The following LGSN variants were observed in gnomAD, a reference collection of about 807,000 sequenced individuals.
The protein encoded by LGSN is lengsin, lens protein with glutamine synthetase domain.
LGSN carries 21 observed loss-of-function variants against 19.5 expected under a neutral mutation model. The observed-to-expected ratio is 1.07, with a 90% confidence interval of 0.76 to 1.55. LGSN has a LOEUF of 1.55. LGSN is among the 40% of genes most tolerant of loss of function. The pLI is 0.00. For missense variants in LGSN, 673 were observed against 608.5 expected (o/e 1.11, Z -1.12); for synonymous variants, 257 against 215.6 (o/e 1.19, Z -1.68).
At chr6:63,332,358 CA>C in the LGSN span, among the ~76,000 whole-genome samples, 3 of 152,190 alleles carry the variant, frequency 2.0e-5, no homozygotes, top group South Asian at 4.2e-4. Context: ...CATTGGGACC[CA>C]GGGGGCAAGG....
the LGSN span, among the ~76,000 whole-genome samples, chr6:63,564,628 T>G: frequency 6.6e-6 from 1 of 152,336 alleles, no homozygotes; most frequent in South Asian, 2.1e-4. Context: ...AGCATGCATA[T>G]CCAACCTTTA....
chr6:63,287,296 A>G (rs1370431312), intron 2 of LGSN, among the ~76,000 whole-genome samples: 1 of 152,244 alleles, frequency 6.6e-6, no homozygotes, highest in African/African-American at 2.4e-5. Flanking sequence ...AAAGTATTTC[A>G]TGCTAAATTA....
the LGSN span, among the ~76,000 whole-genome samples, chr6:63,534,334 A>G: frequency 6.6e-6 from 1 of 152,026 alleles, no homozygotes; most frequent in Non-Finnish European, 1.5e-5. Flanking sequence ...ATCCAGGTTC[A>G]CTCTAAGTTA....
At position 63,280,397 on chromosome 6, in the gene LGSN, C is replaced by A. The variant is rs759108784; in HGVS notation, c.1154G>T (p.Gly385Val). The change falls in exon 4 of 4, where the codon GGA becomes GTA. Residue 385 changes from glycine to valine, a missense_variant. Gly to Val is a moderately radical substitution (Grantham distance 109). Transcript: ENST00000370657. ...AAATATACAGCTGTTGTCATTGTAT[C>A]CCCATGTTGTAGGCACACTCTTCTT... is the stretch of plus-strand genomic sequence containing the variant. ...DLKKSVPTTW[G>V]YNDNSCIFNI... The A allele has an allele frequency of 6.2e-7, 1 of 1,613,980 alleles. No homozygotes were observed. The highest frequency in any genetic ancestry group is 8.5e-7 in the Non-Finnish European group (1 of 1,180,028).
chr6:63,415,495 G>C, the LGSN span, among the ~76,000 whole-genome samples: 3 of 152,186 alleles, frequency 2.0e-5, no homozygotes, highest in Non-Finnish European at 4.4e-5. Context: ...GAGAAGTGCC[G>C]AGGGAAGGGG....
the LGSN span, among the ~76,000 whole-genome samples, chr6:63,384,537 G>GTGTGTGTGTGTGT: frequency 6.8e-6 from 1 of 146,700 alleles, no homozygotes; most frequent in Non-Finnish European, 1.5e-5. Flanking sequence ...GTGTGTGTGT[G>GTGTGTGTGTGTGT]ATGGAGTTTT....
the LGSN span, among the ~76,000 whole-genome samples, chr6:63,490,906 A>G: frequency 6.6e-6 from 1 of 152,166 alleles, no homozygotes; most frequent in African/African-American, 2.4e-5. Flanking sequence ...GCAGATATCC[A>G]AGGGCAGGAA....
At chr6:63,385,777 C>T in the LGSN span, among the ~76,000 whole-genome samples, 1 of 152,130 alleles carries the variant, frequency 6.6e-6, no homozygotes, top group Non-Finnish European at 1.5e-5. Context: ...AAGTCAGTTC[C>T]AAAATGTAGG....
At chr6:63,356,556 A>G in the LGSN span, among the ~76,000 whole-genome samples, 2 of 152,190 alleles carry the variant, frequency 1.3e-5, no homozygotes, top group African/African-American at 4.8e-5. Context: ...AAGTTAAAAA[A>G]TAAGAAAAAT....
At chr6:63,308,197 T>G (rs909898480) in intron 1 of LGSN, among the ~76,000 whole-genome samples, 1 of 152,236 alleles carries the variant, frequency 6.6e-6, no homozygotes, top group Non-Finnish European at 1.5e-5. Context: ...ATTTTCATTC[T>G]TTTGATATTT....
the LGSN span, among the ~76,000 whole-genome samples, chr6:63,509,709 C>G: frequency 6.6e-6 from 1 of 152,134 alleles, no homozygotes; most frequent in Non-Finnish European, 1.5e-5. Context: ...GCATTTAATA[C>G]GTTATAACAG....
the LGSN span, among the ~76,000 whole-genome samples, chr6:63,412,513 AGAAAGAAAGAAAGAAG>A: frequency 2.5e-4 from 28 of 113,894 alleles, no homozygotes; most frequent in Middle Eastern, 4.1e-3. Flanking sequence ...AAAGAAAGAA[AGAAAGAAAGAAAGAAG>A]GAAAGAAAGA....
the LGSN span, chr6:63,480,371 G>A: frequency 4.7e-6 from 1 of 211,944 alleles, no homozygotes; most frequent in Non-Finnish European, 1.0e-5. Flanking sequence ...GGGCAAGTAT[G>A]GACCTGCTAA....
chr6:63,447,045 G>A, the LGSN span, among the ~76,000 whole-genome samples: 6 of 152,166 alleles, frequency 3.9e-5, no homozygotes, highest in South Asian at 2.1e-4. Flanking sequence ...GTGAAACTCC[G>A]TCTCAAAAAA....
At chr6:63,467,840 C>T in the LGSN span, among the ~76,000 whole-genome samples, 3 of 151,996 alleles carry the variant, frequency 2.0e-5, no homozygotes, top group Non-Finnish European at 4.4e-5. Flanking sequence ...TACAGGAACG[C>T]ATCACCATGC....
the LGSN span, among the ~76,000 whole-genome samples, chr6:63,490,548 C>G: frequency 6.6e-6 from 1 of 151,900 alleles, no homozygotes; most frequent in African/African-American, 2.4e-5. Flanking sequence ...CAAAAGGTAT[C>G]TATTTTATTT....
chr6:63,315,910 C>G (rs1768831809), intron 1 of LGSN, among the ~76,000 whole-genome samples: 1 of 149,794 alleles, frequency 6.7e-6, no homozygotes, highest in African/African-American at 2.4e-5. Context: ...AGTGAGAGTT[C>G]AATAGTATCT....
At chr6:63,297,851 C>T (rs1768041504) in intron 1 of LGSN, among the ~76,000 whole-genome samples, 2 of 152,214 alleles carry the variant, frequency 1.3e-5, no homozygotes, top group Non-Finnish European at 2.9e-5. Context: ...AGAAACTACT[C>T]TTCTACCAAT....
chr6:63,314,945 G>A (rs867914755), intron 1 of LGSN, among the ~76,000 whole-genome samples: 27 of 152,150 alleles, frequency 1.8e-4, no homozygotes, highest in African/African-American at 6.3e-4. Context: ...AAGGTTTCAT[G>A]AGGTCACAAA....
Sources: gnomAD v4.1 joint callset for allele counts (sites outside exome capture counted in the v4.1 genomes callset) on GRCh38, gnomAD v4.1.1 for gene constraint, MANE v1.5 for transcripts, NCBI Gene and HGNC (gene_info 2026-07-23, HGNC 2026-07-21) for gene names.